SDHB: variants seen among roughly 807,000 people sequenced by gnomAD.
The protein encoded by SDHB is succinate dehydrogenase complex iron sulfur subunit B.
In SDHB, 21 loss-of-function variants were observed where a neutral mutation model predicts 39.7. The observed-to-expected ratio is 0.53, with a 90% CI of 0.37 to 0.76. The LOEUF is 0.76. Ranked by LOEUF, SDHB falls within the 30% of genes least tolerant of loss-of-function variation. SDHB has a pLI of 0.00. For missense variants in SDHB, 343 were observed against 350.9 expected, an observed-to-expected ratio of 0.98 and a Z score of 0.18; for synonymous variants, 118 against 117.0, an observed-to-expected ratio of 1.01 and a Z score of -0.06.
intron 2 of SDHB, among the ~76,000 whole-genome samples, chr1:17,042,373 T>C (rs1274391523): frequency 6.6e-6 from 1 of 152,232 alleles, no homozygotes; most frequent in Non-Finnish European, 1.5e-5. Context: ...TTGTTTCTTA[T>C]ATTTTTTTCC....
chr1:17,021,436 T>C (rs887942398), intron 7 of SDHB, among the ~76,000 whole-genome samples: 14 of 150,704 alleles, frequency 9.3e-5, no homozygotes, highest in African/African-American at 3.4e-4. Flanking sequence ...AGTGAGACCC[T>C]GTCTTTTAAA....
intron 3 of SDHB, among the ~76,000 whole-genome samples, chr1:17,029,479 T>C (rs575194090): frequency 6.6e-6 from 1 of 151,750 alleles, no homozygotes; most frequent in South Asian, 2.1e-4. Context: ...TTGCCCAGGC[T>C]GGAGTGCAAT....
At chr1:17,049,752 T>A (rs980997083) in intron 1 of SDHB, among the ~76,000 whole-genome samples, 2 of 137,708 alleles carry the variant, frequency 1.5e-5, no homozygotes, top group African/African-American at 5.4e-5. Flanking sequence ...TTCAAGCAAT[T>A]CTCCTGCCTC....
chr1:17,035,875 AATAG>A (rs563070004), intron 2 of SDHB, among the ~76,000 whole-genome samples: 217 of 152,134 alleles, frequency 1.4e-3, no homozygotes, highest in African/African-American at 4.8e-3. Flanking sequence ...TAAATAAATA[AATAG>A]ATAAATAAAT....
intron 4 of SDHB, 116 bp from the exon 5 acceptor site, chr1:17,027,981 G>T: frequency 1.4e-6 from 1 of 704,888 alleles, no homozygotes; most frequent in Non-Finnish European, 2.6e-6. Context: ...TCTATGCCAG[G>T]CAGAAGCCAG....
rs1293365726 is a variant in SDHB, at chr1:17,053,985, C to A, written c.35G>T (p.Arg12Leu). 1 of 1,613,124 alleles carries A rather than the reference C, an allele frequency of 6.2e-7. No homozygotes were observed. Among genetic ancestry groups the A allele is most frequent in the Non-Finnish European group, 8.5e-7 (1 of 1,179,724 alleles). Residue 12 changes from arginine to leucine, a missense_variant, in exon 1 of 8, where the codon CGG becomes CTG. By Grantham distance (102) the Arg-to-Leu change is moderately radical. Coordinates refer to ENST00000375499, the MANE Select transcript of SDHB (RefSeq NM_003000.3). ...TCCGCCAAGGGTTGTGGCCGGCAAC[C>A]GGCGCCTCAAGGAGAGGGCGACCAC... ...AAVVALSLRR[R>L]LPATTLGGAC...
chr1:17,022,500 C>A, intron 7 of SDHB, 108 bp downstream of exon 7: 1 of 1,478,880 alleles, frequency 6.8e-7, no homozygotes. Context: ...GGTCCCTTTC[C>A]TTCTCAAATG....
intron 2 of SDHB, among the ~76,000 whole-genome samples, chr1:17,033,841 C>A (rs2078035393): frequency 6.6e-6 from 1 of 152,216 alleles, no homozygotes; most frequent in African/African-American, 2.4e-5. Flanking sequence ...CACACGAGAT[C>A]TTTACAGCAG....
At chr1:17,019,130 T>C (rs2077947233) in intron 7 of SDHB, among the ~76,000 whole-genome samples, 172 bp from the exon 8 acceptor site, 1 of 138,420 alleles carries the variant, frequency 7.2e-6, no homozygotes, top group Non-Finnish European at 1.5e-5. Context: ...TCTGTCTACC[T>C]TTTTTAACAT....
chr1:17,020,659 G>GT lies in SDHB; in HGVS notation c.766-1702dup, dbSNP rs1417179790. Among the ~76,000 whole-genome samples, 3 of 152,308 alleles carry GT rather than the reference G, an allele frequency of 2.0e-5. No individual in the cohort carries two copies. The South Asian group carries it at 6.2e-4, about 32-fold the overall frequency. Reference sequence around the variant, plus strand: ...TGTCTCAAACAAGCCCAGTACTCATGTTTTTTTAAAAAATAACATAAGGTG... The same window carrying GT: ...TGTCTCAAACAAGCCCAGTACTCATGTTTTTTTTAAAAAATAACATAAGGTG... On this transcript the variant is annotated intron_variant, in intron 7 of 7. Coordinates refer to ENST00000375499, the MANE Select transcript of SDHB (RefSeq NM_003000.3).
intron 5 of SDHB, among the ~76,000 whole-genome samples, chr1:17,024,900 G>A (rs1471564626): frequency 1.3e-5 from 2 of 152,220 alleles, no homozygotes; most frequent in African/African-American, 4.8e-5. Context: ...CAGAACTGAT[G>A]GTTGTGATTG....
intron 1 of SDHB, among the ~76,000 whole-genome samples, chr1:17,052,774 C>T (rs1282774086): frequency 6.6e-6 from 1 of 152,132 alleles, no homozygotes; most frequent in African/African-American, 2.4e-5. Context: ...GCAATATGTA[C>T]TGTGTTATGC....
intron 1 of SDHB, among the ~76,000 whole-genome samples, chr1:17,047,912 C>A (rs1240202084): frequency 6.6e-6 from 1 of 152,042 alleles, no homozygotes; most frequent in Non-Finnish European, 1.5e-5. Context: ...AACTCCTGGC[C>A]CCAAGTGATC....
rs573211441 is a variant in SDHB at position 17,050,374 on chromosome 1, CG to C, written c.72+3573del. On this transcript the variant is annotated intron_variant, in intron 1 of 7. Coordinates refer to ENST00000375499, the MANE Select transcript of SDHB (RefSeq NM_003000.3). Reference sequence around the variant, plus strand: ...TCAAAAATGTATTTTATAGGCCAGGCGTGGTGGCTCATGCCTGTAATCCCAG... The same window carrying C: ...TCAAAAATGTATTTTATAGGCCAGGCTGGTGGCTCATGCCTGTAATCCCAG... Among the ~76,000 whole-genome samples the C allele has an allele frequency of 1.0e-2, 1,511 of 151,480 alleles. 6 individuals carry two copies. Among genetic ancestry groups the C allele is most frequent in the Non-Finnish European group, 0.015 (1,043 of 67,922 alleles).
At chr1:17,030,240 T>G (rs1459096516) in intron 3 of SDHB, among the ~76,000 whole-genome samples, 1 of 152,166 alleles carries the variant, frequency 6.6e-6, no homozygotes, top group Admixed American at 6.5e-5. Context: ...CTCACTATAT[T>G]GCCCAGGCTG....
At chr1:17,035,687 C>T (rs1333085817) in intron 2 of SDHB, among the ~76,000 whole-genome samples, 2 of 151,772 alleles carry the variant, frequency 1.3e-5, no homozygotes, top group East Asian at 1.9e-4. Flanking sequence ...GTGGTGAAAC[C>T]GTCTCTACTA....
intron 7 of SDHB, among the ~76,000 whole-genome samples, chr1:17,020,993 C>T (rs1448214282): frequency 2.0e-5 from 3 of 152,198 alleles, no homozygotes; most frequent in African/African-American, 2.4e-5. Flanking sequence ...TCCACCTTGC[C>T]GCCCACTGAC....
At chr1:17,035,225 A>T (rs2078044500) in intron 2 of SDHB, among the ~76,000 whole-genome samples, 1 of 152,164 alleles carries the variant, frequency 6.6e-6, no homozygotes, top group South Asian at 2.1e-4. Flanking sequence ...TTATAACATT[A>T]TCTATCACTT....
intron 3 of SDHB, among the ~76,000 whole-genome samples, chr1:17,031,307 T>A (rs1305228494): frequency 6.6e-6 from 1 of 151,942 alleles, no homozygotes; most frequent in African/African-American, 2.4e-5. Context: ...ATAAATCCAA[T>A]GAACTTTCTC....
Sources: allele counts gnomAD v4.1 joint callset (sites outside exome capture counted in the v4.1 genomes callset), GRCh38; gene constraint gnomAD v4.1.1; transcripts MANE v1.5; gene names NCBI Gene and HGNC (gene_info 2026-07-23, HGNC 2026-07-21).